The following ZFHX4 variants were observed in gnomAD, a reference collection of about 807,000 sequenced individuals.
ZFHX4 encodes the protein zinc finger homeobox protein 4.
Under a neutral mutation model 267.6 loss-of-function variants are expected in ZFHX4, and 56 were observed. The observed-to-expected ratio is 0.21, with a 90% CI of 0.17 to 0.26. The LOEUF (loss-of-function observed/expected upper bound fraction) is 0.26, where lower values mean the gene tolerates loss of function less well. Ranked by LOEUF, ZFHX4 falls within the 10% of genes least tolerant of loss-of-function variation. The pLI is 1.00. For missense variants in ZFHX4, 4,332 were observed against 4,420.0 expected, an observed-to-expected ratio of 0.98 and a Z score of 0.56; for synonymous variants, 1,778 against 1,665.6, an observed-to-expected ratio of 1.07 and a Z score of -1.64.
At chr8:76,857,691 C>T (rs1317401912) in intron 10 of ZFHX4, among the ~76,000 whole-genome samples, 1 of 151,964 alleles carries the variant, frequency 6.6e-6, no homozygotes, top group East Asian at 1.9e-4. Flanking sequence ...CTTGAACTGT[C>T]ATACCAACTT....
At chr8:76,699,758 AAAG>A (rs1311982012) in intron 1 of ZFHX4, among the ~76,000 whole-genome samples, 1 of 149,648 alleles carries the variant, frequency 6.7e-6, no homozygotes, top group East Asian at 2.0e-4. Context: ...AAAAAAAAAA[AAAG>A]TCCAGCCAAA....
chr8:76,681,968 G>A (rs1807542567), intron 1 of ZFHX4, among the ~76,000 whole-genome samples: 1 of 152,142 alleles, frequency 6.6e-6, no homozygotes, highest in South Asian at 2.1e-4. Flanking sequence ...ATTAAGTGGC[G>A]GAGGATCATC....
At chr8:76,771,232 C>T (rs969003516) in intron 3 of ZFHX4, among the ~76,000 whole-genome samples, 1 of 152,064 alleles carries the variant, frequency 6.6e-6, no homozygotes, top group African/African-American at 2.4e-5. Context: ...TCTTCACAGC[C>T]CTTATACTAC....
chr8:76,790,456 A>T (rs1334925566), intron 4 of ZFHX4, among the ~76,000 whole-genome samples: 1 of 152,158 alleles, frequency 6.6e-6, no homozygotes, highest in Non-Finnish European at 1.5e-5. Flanking sequence ...AAGTGCTATT[A>T]TTGAAAGGAT....
intron 2 of ZFHX4, 73 bp downstream of exon 2, chr8:76,706,751 T>C (rs1808287105): frequency 9.1e-6 from 13 of 1,428,980 alleles, no homozygotes; most frequent in Non-Finnish European, 1.0e-5. Context: ...TGCACCCAGA[T>C]AAAATGGTGA....
At position 76,864,373 on chromosome 8, in the gene ZFHX4, G is replaced by T. The variant is rs762288220; in HGVS notation, c.10659G>T (p.Thr3553=). The change falls in exon 11 of 11, where the codon ACG becomes ACT. Residue 3553 remains threonine, a synonymous_variant. Coordinates refer to ENST00000651372, the MANE Select transcript of ZFHX4 (RefSeq NM_024721.5). The part of the protein sequence containing the change: ...SSPPSLSLPS[T]VTSSLCSTSG... ...CTCCTTCCCTTTCCTTGCCTTCAACGGTTACCTCAAGTTTGTGCAGCACCT... is the reference window on the plus strand; with the variant it reads ...CTCCTTCCCTTTCCTTGCCTTCAACTGTTACCTCAAGTTTGTGCAGCACCT... 3 of 1,613,664 alleles carry T rather than the reference G, an allele frequency of 1.9e-6. No homozygotes were observed. In the South Asian group the frequency reaches 3.3e-5, roughly 18 times the overall value.
At chr8:76,748,223 T>C (rs963660614) in intron 3 of ZFHX4, among the ~76,000 whole-genome samples, 5 of 152,180 alleles carry the variant, frequency 3.3e-5, no homozygotes, top group Non-Finnish European at 7.3e-5. Context: ...GTGTCTCATA[T>C]CTGTAAGTCT....
At chr8:76,703,943 G>A (rs553920683) in intron 1 of ZFHX4, 100 bp from the exon 2 acceptor site, 110 of 857,796 alleles carry the variant, frequency 1.3e-4, no homozygotes, top group Non-Finnish European at 1.9e-4. Flanking sequence ...TACCTTTTTA[G>A]ATAGTCACGT....
At chr8:76,822,366 C>T (rs1811671506) in intron 4 of ZFHX4, among the ~76,000 whole-genome samples, 2 of 151,586 alleles carry the variant, frequency 1.3e-5, no homozygotes, top group Non-Finnish European at 2.9e-5. Flanking sequence ...TACTTGACTT[C>T]TCTCTATAAT....
At chr8:76,802,067 G>A (rs767194228) in intron 4 of ZFHX4, among the ~76,000 whole-genome samples, 4 of 152,086 alleles carry the variant, frequency 2.6e-5, no homozygotes, top group Non-Finnish European at 5.9e-5. Flanking sequence ...GCTGCTTGAG[G>A]GATTCTCAGA....
In ZFHX4 at chr8:76,681,579, A is replaced by G. The variant is rs1045699909; in HGVS notation, c.-88A>G. Reference sequence around the variant, plus strand: ...GTAAGTAAAATAAAAGCAAAACAAAAAAGAGGCGAAGATCGAGTAGGAACT... The same window carrying G: ...GTAAGTAAAATAAAAGCAAAACAAAGAAGAGGCGAAGATCGAGTAGGAACT... On this transcript the variant is annotated 5_prime_UTR_variant, in exon 1 of 11. Coordinates refer to ENST00000651372, the MANE Select transcript of ZFHX4 (RefSeq NM_024721.5). 4 of 398,262 alleles carry G rather than the reference A, an allele frequency of 1.0e-5. No individual in the cohort carries two copies. Among genetic ancestry groups the G allele is most frequent in the African/African-American group, 8.2e-5 (4 of 48,600 alleles). The allele number at this position is 398,262 out of a possible 1,614,324, so 24.7% of individuals were successfully genotyped here. A position where few individuals can be genotyped will look rare whatever the true frequency, so the allele number is the denominator to read the frequency against.
chr8:76,785,200 C>T (rs1585942336), intron 4 of ZFHX4, among the ~76,000 whole-genome samples: 1 of 152,178 alleles, frequency 6.6e-6, no homozygotes, highest in East Asian at 1.9e-4. Flanking sequence ...TGTTTATAGA[C>T]TGTACCATAC....
intron 3 of ZFHX4, among the ~76,000 whole-genome samples, chr8:76,764,712 T>C (rs1480473563): frequency 1.3e-5 from 2 of 152,188 alleles, no homozygotes; most frequent in Non-Finnish European, 2.9e-5. Context: ...CCAGCTGGTT[T>C]TCTGTAAATT....
rs1304312094 is a variant in ZFHX4 at position 76,800,870 on chromosome 8, C to A, written c.3325+22431C>A. ...CAGCTGTGTTTCTTAATGCTGTAAC[C>A]CCCTCCACTTTTGTTGAAGGCCACA... On this transcript the variant is annotated intron_variant, in intron 4 of 10. Transcript: ENST00000651372. 3.9e-5 allele frequency among the ~76,000 whole-genome samples: 6 copies of A among 152,204 alleles called. No individual in the cohort carries two copies. The East Asian group carries it at 9.7e-4, about 25-fold the overall frequency.
intron 1 of ZFHX4, chr8:76,683,393 A>C (rs1807601181): frequency 2.3e-5 from 3 of 131,196 alleles, no homozygotes; most frequent in African/African-American, 5.9e-5. Context: ...ACACACACAC[A>C]ACAACATCCC....
At chr8:76,747,697 C>T (rs1384909019) in intron 3 of ZFHX4, among the ~76,000 whole-genome samples, 6 of 151,986 alleles carry the variant, frequency 3.9e-5, no homozygotes, top group Admixed American at 3.3e-4. Flanking sequence ...TTTGGGAGGC[C>T]GAGGCAGGCG....
At chr8:76,783,398 A>G (rs992039854) in intron 4 of ZFHX4, among the ~76,000 whole-genome samples, 3 of 152,030 alleles carry the variant, frequency 2.0e-5, no homozygotes, top group Non-Finnish European at 4.4e-5. Context: ...GATGCTTCCA[A>G]CCATATTTTA....
chr8:76,720,866 C>T (rs553037903), intron 3 of ZFHX4, among the ~76,000 whole-genome samples: 9 of 152,244 alleles, frequency 5.9e-5, no homozygotes, highest in Non-Finnish European at 8.8e-5. Flanking sequence ...GAAACTAAGG[C>T]AATGAAATCT....
rs962692880 is a variant in ZFHX4, at chr8:76,842,807, T to C, written c.3511+36T>C. ...AGAATCTTTCACCTCGGCATTTCCC[T>C]ATACCCATTCCCTGCCATCAACTCT... On this transcript the variant is annotated intron_variant, in intron 6 of 10. Coordinates refer to ENST00000651372, the MANE Select transcript of ZFHX4 (RefSeq NM_024721.5). 5 of 1,444,864 alleles carry C rather than the reference T, an allele frequency of 3.5e-6. No individual in the cohort carries two copies. In the African/African-American group the frequency reaches 5.7e-5, roughly 16 times the overall value. The allele number at this position is 1,444,864 out of a possible 1,614,324, so 89.5% of individuals were successfully genotyped here. A position where few individuals can be genotyped will look rare whatever the true frequency, so the allele number is the denominator to read the frequency against.
Sources: gnomAD v4.1 joint callset for allele counts (sites outside exome capture counted in the v4.1 genomes callset) on GRCh38, gnomAD v4.1.1 for gene constraint, MANE v1.5 for transcripts, NCBI Gene and HGNC (gene_info 2026-07-23, HGNC 2026-07-21) for gene names.